NNT: variants seen among roughly 807,000 people sequenced by gnomAD.
NNT encodes the protein NAD(P) transhydrogenase, mitochondrial.
NNT carries 50 observed loss-of-function variants against 104.8 expected under a neutral mutation model. That is an observed-to-expected ratio of 0.48 (90% CI 0.38 to 0.60). The LOEUF (loss-of-function observed/expected upper bound fraction) is 0.60, where lower values mean the gene tolerates loss of function less well. Ranked by LOEUF, NNT falls within the 20% of genes least tolerant of loss-of-function variation. NNT has a pLI of 0.00. For missense variants in NNT, 1,131 were observed against 1,330.7 expected (o/e 0.85, Z 2.33); for synonymous variants, 461 against 490.4 (o/e 0.94, Z 0.79).
intron 17 of NNT, among the ~76,000 whole-genome samples, chr5:43,665,262 T>C (rs1740578650): frequency 6.6e-6 from 1 of 151,340 alleles, no homozygotes; most frequent in Non-Finnish European, 1.5e-5. Context: ...TTATTGATCA[T>C]TCTTGGGTGT....
At chr5:43,677,058 GT>G (rs1741451580) in intron 18 of NNT, among the ~76,000 whole-genome samples, 6 of 152,036 alleles carry the variant, frequency 3.9e-5, no homozygotes, top group Admixed American at 2.6e-4. Context: ...TATGGAAACA[GT>G]TTTTAGAGTG....
intron 17 of NNT, 81 bp downstream of exon 17, chr5:43,659,431 A>G: frequency 1.7e-6 from 2 of 1,181,364 alleles, no homozygotes; most frequent in South Asian, 1.5e-5. Flanking sequence ...TTTATTACCC[A>G]TAAAAATGAA....
chr5:43,656,779 G>T lies in NNT; in HGVS notation c.2420G>T (p.Cys807Phe). The T allele has an allele frequency of 6.2e-7, 1 of 1,614,064 alleles. No homozygotes were observed. The highest frequency in any genetic ancestry group is 1.1e-5 in the South Asian group (1 of 91,058). Reference protein sequence around the residue: ...VDPSFTTGITCLGSVSALSAV... With the variant: ...VDPSFTTGITFLGSVSALSAV... ...CCAAGCTTTACTACTGGCATCACCT[G>T]TCTGGGTTCAGTGTCTGCTCTCTCT... Residue 807 changes from cysteine (C) to phenylalanine (F), a missense_variant, in exon 16 of 22, where the codon TGT becomes TTT. Coordinates refer to ENST00000344920, the MANE Select transcript of NNT (RefSeq NM_182977.3).
At chr5:43,651,155 T>C (rs1739735570) in intron 12 of NNT, among the ~76,000 whole-genome samples, 1 of 152,252 alleles carries the variant, frequency 6.6e-6, no homozygotes, top group Admixed American at 6.5e-5. Flanking sequence ...TCAAGCTTTT[T>C]GAATGGCTTT....
At chr5:43,701,548 AG>A (rs1197095073) in intron 20 of NNT, among the ~76,000 whole-genome samples, 8 of 152,090 alleles carry the variant, frequency 5.3e-5, no homozygotes, top group Non-Finnish European at 8.8e-5. Context: ...TGAACATGCT[AG>A]TGAATGTGTC....
intron 1 of NNT, 98 bp from the exon 2 acceptor site, chr5:43,609,045 C>G: frequency 1.8e-6 from 1 of 556,670 alleles, no homozygotes; most frequent in South Asian, 3.4e-5. Context: ...TGTTATATTT[C>G]AAGCTCTTTA....
intron 19 of NNT, among the ~76,000 whole-genome samples, chr5:43,695,542 G>A (rs922658888): frequency 2.0e-5 from 3 of 152,192 alleles, no homozygotes; most frequent in African/African-American, 7.2e-5. Flanking sequence ...GGCTTAAGCT[G>A]GGCATTGACA....
intron 7 of NNT, among the ~76,000 whole-genome samples, chr5:43,631,949 A>G (rs1337887726): frequency 6.7e-6 from 1 of 149,958 alleles, no homozygotes; most frequent in African/African-American, 2.5e-5. Flanking sequence ...TGGCTGAAAA[A>G]GGCCTTCAGT....
intron 17 of NNT, chr5:43,666,907 C>T (rs1336346736): frequency 5.1e-6 from 8 of 1,574,286 alleles, no homozygotes; most frequent in South Asian, 2.2e-5. Flanking sequence ...AATACAGGCA[C>T]AAACACGCTT....
rs545708948 is a variant in NNT, at chr5:43,650,867, AGCTAT to A, written c.1717+281_1717+285del. Among the ~76,000 whole-genome samples the A allele has an allele frequency of 9.8e-5, 15 of 152,314 alleles. No homozygotes were observed. In the South Asian group the frequency reaches 3.1e-3, roughly 32 times the overall value. On this transcript the variant is annotated intron_variant, in intron 12 of 21. Transcript: ENST00000344920. ...ATGCATAGTTTTGAAGTTGGGTTAG[AGCTAT>A]CACCGTAACATCTATAAATTAGTAT...
chr5:43,677,616 T>G, intron 18 of NNT, 109 bp from the exon 19 acceptor site: 2 of 924,738 alleles, frequency 2.2e-6, no homozygotes, highest in Non-Finnish European at 3.4e-6. Flanking sequence ...TCCTGTTAAA[T>G]GATTGCCTCT....
At chr5:43,652,007 A>G in intron 13 of NNT, 123 bp downstream of exon 13, 1 of 1,037,866 alleles carries the variant, frequency 9.6e-7, no homozygotes, top group Non-Finnish European at 1.4e-6. Flanking sequence ...CAAATACAAC[A>G]ATAACCCTAG....
intron 17 of NNT, among the ~76,000 whole-genome samples, chr5:43,672,002 T>A (rs948433789): frequency 6.6e-6 from 1 of 152,224 alleles, no homozygotes; most frequent in Non-Finnish European, 1.5e-5. Flanking sequence ...ATTTTTTCTC[T>A]AAACTTCTCT....
At chr5:43,702,969 AT>A (rs1241304468) in intron 21 of NNT, among the ~76,000 whole-genome samples, 1 of 152,182 alleles carries the variant, frequency 6.6e-6, no homozygotes, top group Non-Finnish European at 1.5e-5. Context: ...ATGTGGGTGG[AT>A]TAACACAATC....
intron 16 of NNT, among the ~76,000 whole-genome samples, chr5:43,657,387 G>A (rs775181165): frequency 1.3e-5 from 2 of 152,148 alleles, no homozygotes; most frequent in Non-Finnish European, 2.9e-5. Context: ...GTTTTTAGTT[G>A]TCTATGTGAC....
chr5:43,654,385 G>A (rs1466644960), intron 14 of NNT, among the ~76,000 whole-genome samples: 1 of 152,226 alleles, frequency 6.6e-6, no homozygotes, highest in African/African-American at 2.4e-5. Flanking sequence ...GACTGTAGCT[G>A]TGACATTGTG....
chr5:43,629,365 A>G (rs987264076), intron 7 of NNT, among the ~76,000 whole-genome samples: 1 of 152,066 alleles, frequency 6.6e-6, no homozygotes, highest in Admixed American at 6.6e-5. Context: ...ATGTATGTTT[A>G]TCTACTCGTT....
intron 16 of NNT, among the ~76,000 whole-genome samples, chr5:43,657,210 C>T (rs576694541): frequency 6.6e-6 from 1 of 152,176 alleles, no homozygotes; most frequent in Non-Finnish European, 1.5e-5. Context: ...CCACCAGTTG[C>T]TCTTACATCA....
At chr5:43,614,738 T>C (rs910767082) in intron 3 of NNT, among the ~76,000 whole-genome samples, 2 of 152,230 alleles carry the variant, frequency 1.3e-5, no homozygotes, top group African/African-American at 4.8e-5. Context: ...GCACTATTGC[T>C]AACTAGGAAC....
Sources: allele counts gnomAD v4.1 joint callset (sites outside exome capture counted in the v4.1 genomes callset), GRCh38; gene constraint gnomAD v4.1.1; transcripts MANE v1.5; gene names NCBI Gene and HGNC (gene_info 2026-07-23, HGNC 2026-07-21).